Variants in ANXA6 observed in about 807,000 individuals in gnomAD.
ANXA6 encodes the protein 67 kDa calelectrin.
A neutral mutation model predicts 95.4 loss-of-function variants in ANXA6; 71 were observed. The ratio of observed to expected loss-of-function variants is 0.74; its 90% confidence interval spans 0.61 to 0.91. The LOEUF is 0.91. ANXA6 is among the 40% of genes least tolerant of loss of function. The pLI is 0.00. For synonymous variants in ANXA6, 289 were observed against 315.9 expected (o/e 0.91, Z 0.90); for missense variants, 830 against 876.4 (o/e 0.95, Z 0.67).
At chr5:151,156,578 T>C (rs1421160577) in intron 1 of ANXA6, among the ~76,000 whole-genome samples, 3 of 152,118 alleles carry the variant, frequency 2.0e-5, no homozygotes, top group Non-Finnish European at 4.4e-5. Context: ...GGGCGGACTC[T>C]TGGGGGGAAA....
At chr5:151,102,612 G>A (rs1764579693) in intron 25 of ANXA6, among the ~76,000 whole-genome samples, 1 of 152,190 alleles carries the variant, frequency 6.6e-6, no homozygotes. Flanking sequence ...GCTGAGGCAG[G>A]AGAATTGCTT....
chr5:151,138,663 A>T lies in ANXA6; in HGVS notation c.318+15T>A. On this transcript the variant is annotated intron_variant, in intron 5 of 25. Coordinates refer to ENST00000354546, the MANE Select transcript of ANXA6 (RefSeq NM_001155.5). ...ACATCCCCACCCCAACACCACATAC[A>T]CCCCCACTTCTTACCGAGATGGCAT... The T allele has an allele frequency of 6.3e-7, 1 of 1,589,624 alleles. No homozygotes were observed. The highest frequency in any genetic ancestry group is 1.1e-5 in the South Asian group (1 of 90,146).
chr5:151,146,616 C>T (rs1184573719), intron 2 of ANXA6, among the ~76,000 whole-genome samples: 1 of 152,200 alleles, frequency 6.6e-6, no homozygotes, highest in Non-Finnish European at 1.5e-5. Flanking sequence ...TCTGTCTGTG[C>T]ATTCTGTGGC....
rs970746630 is a variant in ANXA6, at chr5:151,109,653, G to A, written c.1684+100C>T. 7 of 897,852 alleles carry A rather than the reference G, an allele frequency of 7.8e-6. No individual in the cohort carries two copies. The East Asian group carries it at 1.6e-4, about 20-fold the overall frequency. The allele number at this position is 897,852 out of a possible 1,614,324, so 55.6% of individuals were successfully genotyped here. On this transcript the variant is annotated intron_variant, in intron 22 of 25. Transcript: ENST00000354546. ...GCTACTGCTGGGTTAAGGAGGAGGT[G>A]GGTGGGCAACGGGCTCCTCTTGCCA...
chr5:151,101,562 C>T (rs1764552312), intron 25 of ANXA6, 55 bp from the exon 26 acceptor site: 1 of 1,470,366 alleles, frequency 6.8e-7, no homozygotes, highest in South Asian at 1.2e-5. Flanking sequence ...TCTCAATGCC[C>T]CCTCCTCCCG....
chr5:151,141,493 CAA>C, intron 2 of ANXA6: 1 of 984,990 alleles, frequency 1.0e-6, no homozygotes, highest in Non-Finnish European at 1.2e-6. Flanking sequence ...GGAAAGAATC[CAA>C]AAAAGAGGGA....
intron 23 of ANXA6, among the ~76,000 whole-genome samples, chr5:151,105,665 G>A (rs948695120): frequency 6.6e-6 from 1 of 152,172 alleles, no homozygotes; most frequent in Non-Finnish European, 1.5e-5. Flanking sequence ...CAGGGTTTAG[G>A]CTCCACCCTA....
chr5:151,125,586 G>A (rs1288231279), intron 14 of ANXA6, among the ~76,000 whole-genome samples: 2 of 152,100 alleles, frequency 1.3e-5, no homozygotes, highest in African/African-American at 2.4e-5. Flanking sequence ...TTGCAGAGAC[G>A]GCGGCACCAA....
intron 11 of ANXA6, among the ~76,000 whole-genome samples, chr5:151,130,733 A>AGGCCTCT (rs61276940): frequency 1 from 152,221 of 152,236 alleles, 76,103 homozygotes; most frequent in Middle Eastern, 1. Flanking sequence ...CTCGGGCCTC[A>AGGCCTCT]GGCCTCTGGC....
At chr5:151,143,996 T>C (rs1171876009) in intron 2 of ANXA6, among the ~76,000 whole-genome samples, 10 of 152,152 alleles carry the variant, frequency 6.6e-5, no homozygotes. Flanking sequence ...GCCCAGAGTC[T>C]GCAGGGCTCA....
At chr5:151,148,703 G>T (rs1385102073) in intron 1 of ANXA6, among the ~76,000 whole-genome samples, 1 of 152,216 alleles carries the variant, frequency 6.6e-6, no homozygotes, top group Non-Finnish European at 1.5e-5. Context: ...GGTCAGGAAA[G>T]TGACAAGGGG....
At chr5:151,153,469 C>T (rs1193983020) in intron 1 of ANXA6, among the ~76,000 whole-genome samples, 1 of 152,152 alleles carries the variant, frequency 6.6e-6, no homozygotes, top group Non-Finnish European at 1.5e-5. Context: ...GAAGGTATTC[C>T]CCCGCTAGGG....
intron 14 of ANXA6, among the ~76,000 whole-genome samples, chr5:151,124,673 G>A (rs1043712311): frequency 6.6e-6 from 1 of 152,198 alleles, no homozygotes; most frequent in Non-Finnish European, 1.5e-5. Flanking sequence ...GATCTGCCTC[G>A]GTTCTAGTGC....
chr5:151,117,209 TC>T, intron 19 of ANXA6, 29 bp from the exon 20 acceptor site: 1 of 1,567,088 alleles, frequency 6.4e-7, no homozygotes. Context: ...GAAAGTTCAG[TC>T]CCCAAACATC....
intron 17 of ANXA6, among the ~76,000 whole-genome samples, chr5:151,120,698 G>A (rs968819899): frequency 4.6e-5 from 7 of 152,108 alleles, no homozygotes; most frequent in South Asian, 4.2e-4. Context: ...CAGCCTGGGC[G>A]AAAGAGCGAG....
chr5:151,150,693 AGGAAAT>A (rs1040643896), intron 1 of ANXA6, among the ~76,000 whole-genome samples: 2 of 152,164 alleles, frequency 1.3e-5, no homozygotes, highest in Admixed American at 6.5e-5. Flanking sequence ...AGCTCTCACC[AGGAAAT>A]GGAAACTGTA....
At chr5:151,101,630 C>T in intron 25 of ANXA6, 123 bp from the exon 26 acceptor site, 1 of 817,308 alleles carries the variant, frequency 1.2e-6, no homozygotes, top group Non-Finnish European at 2.1e-6. Context: ...CATAGGATCC[C>T]ATGCCACATG....
chr5:151,134,612 G>A (rs1045708563), intron 7 of ANXA6, 129 bp from the exon 8 acceptor site: 13 of 867,848 alleles, frequency 1.5e-5, no homozygotes, highest in African/African-American at 1.5e-4. Flanking sequence ...AGCAGTGACT[G>A]CTATTGCATG....
At chr5:151,131,644 C>T (rs562066192) in intron 10 of ANXA6, among the ~76,000 whole-genome samples, 57 of 152,308 alleles carry the variant, frequency 3.7e-4, no homozygotes, top group South Asian at 1.2e-3. Flanking sequence ...CAGAAAGGTA[C>T]TGGCAGCTGA....
Sources: allele counts gnomAD v4.1 joint callset (sites outside exome capture counted in the v4.1 genomes callset), GRCh38; gene constraint gnomAD v4.1.1; transcripts MANE v1.5; gene names NCBI Gene and HGNC (gene_info 2026-07-23, HGNC 2026-07-21).